Variants in GPATCH2L observed in about 807,000 individuals in gnomAD.
GPATCH2L encodes G patch domain-containing protein 2-like.
Under a neutral mutation model 57.4 loss-of-function variants are expected in GPATCH2L, and 31 were observed. The observed-to-expected ratio is 0.54, with a 90% CI of 0.41 to 0.73. GPATCH2L has a LOEUF of 0.73. GPATCH2L is among the 30% of genes least tolerant of loss of function. The pLI is 0.00. For missense variants in GPATCH2L, 481 were observed against 599.9 expected (o/e 0.80, Z 2.07); for synonymous variants, 199 against 210.7 (o/e 0.94, Z 0.48).
intron 9 of GPATCH2L, among the ~76,000 whole-genome samples, chr14:76,197,104 A>T (rs1195842300): frequency 1.3e-5 from 2 of 152,184 alleles, no homozygotes; most frequent in Non-Finnish European, 2.9e-5. Flanking sequence ...CCAAGGCTTA[A>T]ATCACTTCCC....
chr14:76,180,856 G>A lies in GPATCH2L; in HGVS notation c.1193+7G>A, dbSNP rs780556567. 11 of 1,569,546 alleles carry A rather than the reference G, an allele frequency of 7.0e-6. No homozygotes were observed. Among genetic ancestry groups the A allele is most frequent in the Admixed American group, 1.7e-5 (1 of 59,956 alleles). On this transcript the variant is annotated splice_region_variant and intron_variant, in intron 8 of 9. Coordinates refer to ENST00000261530, the MANE Select transcript of GPATCH2L (RefSeq NM_017926.4). ...CAGCACACTGCTCTGCCAGGTAATTGTCTTTTAGTAGCGGTTATTTGCTTC... is the reference window on the plus strand; with the variant it reads ...CAGCACACTGCTCTGCCAGGTAATTATCTTTTAGTAGCGGTTATTTGCTTC...
intron 8 of GPATCH2L, among the ~76,000 whole-genome samples, chr14:76,190,391 T>C (rs1195843010): frequency 6.6e-6 from 1 of 152,092 alleles, no homozygotes; most frequent in Non-Finnish European, 1.5e-5. Flanking sequence ...AATTTTTTGC[T>C]TTTAGTGCTC....
intron 8 of GPATCH2L, among the ~76,000 whole-genome samples, chr14:76,187,085 A>G (rs1263214538): frequency 6.6e-6 from 1 of 150,630 alleles, no homozygotes; most frequent in Non-Finnish European, 1.5e-5. Context: ...ATCTTTTCCC[A>G]GGTGCAAGTC....
At position 76,202,853 on chromosome 14, in the gene GPATCH2L, T is replaced by G. The variant is rs2040332229; in HGVS notation, c.*1002T>G. ...TTATATATACAGTCGTGCCTGAAGT[T>G]GGATGCTACTTTGTCAAAATGAGAA... is the stretch of plus-strand genomic sequence containing the variant. On this transcript the variant is annotated 3_prime_UTR_variant, in exon 10 of 10. Transcript: ENST00000261530. 1 of 152,698 alleles carries G rather than the reference T, an allele frequency of 6.5e-6. No homozygotes were observed. Among genetic ancestry groups the G allele is most frequent in the Admixed American group, 6.5e-5 (1 of 15,304 alleles). 9.5% of individuals were successfully genotyped at this position (152,698 alleles called of 1,614,324 possible). A position where few individuals can be genotyped will look rare whatever the true frequency, so the allele number is the denominator to read the frequency against.
At chr14:76,194,690 A>G (rs1239086728) in intron 8 of GPATCH2L, among the ~76,000 whole-genome samples, 2 of 152,150 alleles carry the variant, frequency 1.3e-5, no homozygotes, top group African/African-American at 4.8e-5. Flanking sequence ...CTCAGCTGGG[A>G]CTACTGATTA....
At chr14:76,166,756 G>C in intron 3 of GPATCH2L, 29 bp downstream of exon 3, 1 of 1,472,910 alleles carries the variant, frequency 6.8e-7, no homozygotes, top group Non-Finnish European at 9.5e-7. Context: ...TTGGGACCTT[G>C]GTTCCGTGTT....
At chr14:76,156,389 A>C (rs1433041261) in intron 2 of GPATCH2L, among the ~76,000 whole-genome samples, 4 of 152,174 alleles carry the variant, frequency 2.6e-5, no homozygotes, top group Non-Finnish European at 5.9e-5. Context: ...CCAGCTTTTA[A>C]ACTTTTTCTT....
rs2543381 is a variant in GPATCH2L at position 76,157,732 on chromosome 14, A to C, written c.662+2707A>C. 9.7e-3 allele frequency among the ~76,000 whole-genome samples: 1,474 copies of C among 152,050 alleles called. 14 individuals carry two copies. Among genetic ancestry groups the C allele is most frequent in the Non-Finnish European group, 0.016 (1,095 of 68,002 alleles). On this transcript the variant is annotated intron_variant, in intron 2 of 9. Coordinates refer to ENST00000261530, the MANE Select transcript of GPATCH2L (RefSeq NM_017926.4). ...AGATTTGAAAATGTGTGTCTCAATCAGCTTATTTCTAATTTCCTTAAACTC... is the reference window on the plus strand; with the variant it reads ...AGATTTGAAAATGTGTGTCTCAATCCGCTTATTTCTAATTTCCTTAAACTC...
chr14:76,166,735 C>T lies in GPATCH2L; in HGVS notation c.727+8C>T, dbSNP rs117607472. 524 of 1,583,296 alleles carry T rather than the reference C, an allele frequency of 3.3e-4. No individual in the cohort carries two copies. Among genetic ancestry groups the T allele is most frequent in the East Asian group, 2.8e-3 (127 of 44,714 alleles). On this transcript the variant is annotated splice_region_variant and intron_variant, in intron 3 of 9. Coordinates refer to ENST00000261530, the MANE Select transcript of GPATCH2L (RefSeq NM_017926.4). ...ATGATGAAGGGCGACAAGGTAATGT[C>T]GATCCCAGCTTTGGGACCTTGGTTC...
At chr14:76,173,475 G>T in intron 4 of GPATCH2L, 71 bp from the exon 5 acceptor site, 1 of 915,286 alleles carries the variant, frequency 1.1e-6, no homozygotes, top group South Asian at 1.6e-5. Flanking sequence ...AAAGCCTTCA[G>T]TGTACTAGAA....
chr14:76,232,216 T>C (rs1004450625), intron 2 of GPATCH2L, among the ~76,000 whole-genome samples: 1 of 152,204 alleles, frequency 6.6e-6, no homozygotes, highest in Non-Finnish European at 1.5e-5. Context: ...CAGGCTTTCA[T>C]GTTAATATAT....
chr14:76,201,572 T>C (rs1234648638), intron 9 of GPATCH2L, 119 bp from the exon 10 acceptor site: 3 of 586,726 alleles, frequency 5.1e-6, no homozygotes, highest in African/African-American at 1.9e-5. Flanking sequence ...CTTGGGTTAC[T>C]AGGACATGAA....
At position 76,203,819 on chromosome 14, in the gene GPATCH2L, C is replaced by CAT. The variant is rs753233902; in HGVS notation, c.*1970_*1971dup. Reference sequence around the variant, plus strand: ...AGTGACCCGTGGCATATATTTTTAACATACTTGGTTGGGTTTGAGAGAAAT... The same window carrying CAT: ...AGTGACCCGTGGCATATATTTTTAACATATACTTGGTTGGGTTTGAGAGAAAT... On this transcript the variant is annotated 3_prime_UTR_variant, in exon 10 of 10. Transcript: ENST00000261530. 1 of 152,190 alleles carries CAT rather than the reference C, an allele frequency of 6.6e-6. No homozygotes were observed. The highest frequency in any genetic ancestry group is 1.5e-5 in the Non-Finnish European group (1 of 68,052). 9.4% of individuals were successfully genotyped at this position (152,190 alleles called of 1,614,324 possible).
chr14:76,227,466 G>A (rs1477993781), intron 1 of GPATCH2L, among the ~76,000 whole-genome samples: 4 of 152,116 alleles, frequency 2.6e-5, no homozygotes, highest in Non-Finnish European at 5.9e-5. Context: ...CAGCCGATGG[G>A]GTAGAACCCA....
intron 4 of GPATCH2L, 81 bp downstream of exon 4, chr14:76,172,100 A>G: frequency 3.6e-6 from 3 of 832,670 alleles, no homozygotes; most frequent in Non-Finnish European, 5.6e-6. Flanking sequence ...AAGCATACTC[A>G]TGCCTTCAAT....
rs541996578 is a variant in GPATCH2L, at chr14:76,232,675, G to A, written c.*117+2722G>A. Among the ~76,000 whole-genome samples the A allele has an allele frequency of 2.6e-4, 39 of 152,324 alleles. 2 individuals are homozygous for A. The highest frequency in any genetic ancestry group is 1.6e-3 in the Admixed American group (25 of 15,300). The stretch of plus-strand genomic sequence containing the variant: ...AGCTAAAGGGCACAAATTAAAACCA[G>A]CCAAGGAAAGAGATGCAATTGGCAG... On this transcript the variant is annotated intron_variant and NMD_transcript_variant, in intron 2 of 3. Transcript: ENST00000556372.
chr14:76,233,692 C>T (rs537886310), intron 2 of GPATCH2L, among the ~76,000 whole-genome samples: 78 of 152,206 alleles, frequency 5.1e-4, no homozygotes, highest in Non-Finnish European at 1.0e-3. Flanking sequence ...TAAAGATTCA[C>T]AAACGCAATG....
intron 2 of GPATCH2L, among the ~76,000 whole-genome samples, chr14:76,166,223 T>G (rs563622841): frequency 2.6e-5 from 4 of 152,388 alleles, no homozygotes; most frequent in Non-Finnish European, 5.9e-5. Flanking sequence ...TCATGGATTT[T>G]TGTTTACTTC....
rs940124373 is a variant in GPATCH2L, at chr14:76,212,791, T to A, written c.*10940T>A. On this transcript the variant is annotated 3_prime_UTR_variant, in exon 10 of 10. Transcript: ENST00000261530. ...AGGAACAACAGATGGCATTTGCTGA[T>A]AAAAATGCAATAAACTTAGAATTTG... 1.3e-5 allele frequency: 2 copies of A among 151,860 alleles called. No individual in the cohort carries two copies. The highest frequency in any genetic ancestry group is 2.9e-5 in the Non-Finnish European group (2 of 67,942). 9.4% of individuals were successfully genotyped at this position (151,860 alleles called of 1,614,324 possible).
Sources: gnomAD v4.1 joint callset for allele counts (sites outside exome capture counted in the v4.1 genomes callset) on GRCh38, gnomAD v4.1.1 for gene constraint, MANE v1.5 for transcripts, NCBI Gene and HGNC (gene_info 2026-07-23, HGNC 2026-07-21) for gene names.